Variants in ROBO2 observed in about 807,000 individuals in gnomAD.
ROBO2 encodes the protein roundabout homolog 2.
A neutral mutation model predicts 160.8 loss-of-function variants in ROBO2; 53 were observed. The observed-to-expected ratio is 0.33, with a 90% CI of 0.26 to 0.41. The LOEUF (loss-of-function observed/expected upper bound fraction) is 0.41. Ranked by LOEUF, ROBO2 falls within the 10% of genes least tolerant of loss-of-function variation. The pLI is 1.00. For missense variants in ROBO2, 1,577 were observed against 1,722.4 expected (o/e 0.92, Z 1.49); for synonymous variants, 664 against 611.7 (o/e 1.09, Z -1.26).
At chr3:76,941,764 C>T (rs908835256) in intron 2 of ROBO2, among the ~76,000 whole-genome samples, 1 of 152,130 alleles carries the variant, frequency 6.6e-6, no homozygotes, top group Non-Finnish European at 1.5e-5. Flanking sequence ...AGGAGAATTT[C>T]GCTAGAGCAC....
intron 2 of ROBO2, among the ~76,000 whole-genome samples, chr3:76,484,481 T>G (rs1366162204): frequency 6.6e-6 from 1 of 152,176 alleles, no homozygotes; most frequent in South Asian, 2.1e-4. Flanking sequence ...GAGTCGGCTA[T>G]GCAGCACGGA....
intron 2 of ROBO2, among the ~76,000 whole-genome samples, chr3:76,968,445 CT>C (rs1395858824): frequency 6.6e-6 from 1 of 151,946 alleles, no homozygotes; most frequent in Non-Finnish European, 1.5e-5. Flanking sequence ...ATATAAGCTC[CT>C]TTTAGGAAAT....
chr3:76,854,191 A>G (rs62261829), intron 2 of ROBO2, among the ~76,000 whole-genome samples: 15,688 of 152,010 alleles, frequency 0.1, 987 homozygotes, highest in East Asian at 0.23. Flanking sequence ...ACTTTTAGAA[A>G]TAATTCATTC....
chr3:76,069,935 A>C (rs565703214), intron 2 of ROBO2, among the ~76,000 whole-genome samples: 2 of 152,176 alleles, frequency 1.3e-5, no homozygotes, highest in African/African-American at 2.4e-5. Context: ...ATCTCTAAAC[A>C]TAAGTTGTGA....
intron 2 of ROBO2, among the ~76,000 whole-genome samples, chr3:76,918,475 T>G (rs57486435): frequency 0.26 from 39,970 of 152,104 alleles, 5,527 homozygotes; most frequent in South Asian, 0.33. Context: ...GAGAACAGAC[T>G]AATACAATAT....
chr3:76,594,669 GA>G (rs2086628130), intron 2 of ROBO2, among the ~76,000 whole-genome samples: 2 of 152,076 alleles, frequency 1.3e-5, no homozygotes, highest in Admixed American at 1.3e-4. Context: ...AATGAAGGAA[GA>G]ATGGTGTTTA....
chr3:77,040,168 G>T, exon 1 of ROBO2: 2 of 985,736 alleles, frequency 2.0e-6, no homozygotes, highest in Non-Finnish European at 2.4e-6. Context: ...AACCGGAGAG[G>T]TGGAGGGAGG....
intron 2 of ROBO2, among the ~76,000 whole-genome samples, chr3:76,708,981 G>T (rs979948176): frequency 4.6e-5 from 7 of 152,124 alleles, no homozygotes; most frequent in African/African-American, 1.4e-4. Context: ...TTCTCTTTTG[G>T]ACAATTGGGT....
chr3:76,314,321 C>T (rs1351262386), intron 2 of ROBO2, among the ~76,000 whole-genome samples: 6 of 152,078 alleles, frequency 3.9e-5, no homozygotes, highest in African/African-American at 1.2e-4. Flanking sequence ...CGATTACCTT[C>T]ACCATGAAAA....
chr3:76,480,035 G>A (rs6800025), intron 2 of ROBO2, among the ~76,000 whole-genome samples: 7,837 of 61,188 alleles, frequency 0.13, 689 homozygotes, highest in African/African-American at 0.29. Flanking sequence ...AGAAAAAGGA[G>A]GAAGAAGGAG....
chr3:76,622,631 C>A (rs1348128854), intron 2 of ROBO2, among the ~76,000 whole-genome samples: 3 of 151,994 alleles, frequency 2.0e-5, no homozygotes, highest in Admixed American at 6.6e-5. Context: ...AGTTTCAATC[C>A]CCATCATTTC....
chr3:77,134,346 G>A (rs2076101920), intron 2 of ROBO2, among the ~76,000 whole-genome samples: 1 of 152,154 alleles, frequency 6.6e-6, no homozygotes, highest in Admixed American at 6.5e-5. Context: ...TATTTTTGTA[G>A]TACCGATTTT....
intron 24 of ROBO2, chr3:77,642,874 G>T (rs1316988641): frequency 2.2e-6 from 1 of 456,688 alleles, no homozygotes; most frequent in Non-Finnish European, 4.4e-6. Flanking sequence ...ACAAACCCAG[G>T]AATGGATAAG....
intron 2 of ROBO2, among the ~76,000 whole-genome samples, chr3:77,182,137 G>C (rs1242044568): frequency 3.3e-5 from 5 of 151,982 alleles, no homozygotes; most frequent in African/African-American, 1.2e-4. Flanking sequence ...GTCAGCTTTT[G>C]TAACCATGAT....
intron 2 of ROBO2, among the ~76,000 whole-genome samples, chr3:77,004,400 G>A (rs1255300106): frequency 2.0e-5 from 3 of 152,160 alleles, no homozygotes; most frequent in African/African-American, 7.2e-5. Flanking sequence ...GCAACTAGTT[G>A]AGTAATAGTT....
At chr3:76,398,205 T>C (rs1458451335) in intron 2 of ROBO2, among the ~76,000 whole-genome samples, 1 of 151,770 alleles carries the variant, frequency 6.6e-6, no homozygotes, top group African/African-American at 2.4e-5. Flanking sequence ...AATCATCATT[T>C]TCAGTAAACT....
rs1433601353 is a variant in ROBO2 at position 76,615,794 on chromosome 3, T to G, written c.110-482220T>G. Among the ~76,000 whole-genome samples the G allele has an allele frequency of 2.6e-5, 4 of 152,338 alleles. No homozygotes were observed. In the South Asian group the frequency reaches 6.2e-4, roughly 24 times the overall value. The stretch of plus-strand genomic sequence containing the variant: ...ATAATTCCATGTGTGCATTCTGTTT[T>G]ACAGTGTGCAAACAGGTTTAGATAT... On this transcript the variant is annotated intron_variant, in intron 2 of 26. Coordinates refer to the ROBO2 transcript ENST00000487694.
chr3:76,203,116 T>C (rs1702616818), intron 2 of ROBO2, among the ~76,000 whole-genome samples: 2 of 152,142 alleles, frequency 1.3e-5, no homozygotes, highest in African/African-American at 2.4e-5. Flanking sequence ...ATTTAACTGA[T>C]TGCCTAAAAC....
At chr3:77,487,382 G>C (rs1268035811) in intron 4 of ROBO2, among the ~76,000 whole-genome samples, 1 of 152,010 alleles carries the variant, frequency 6.6e-6, no homozygotes, top group Non-Finnish European at 1.5e-5. Flanking sequence ...ATGAAATTTT[G>C]CCTCTAATAT....
Sources: allele counts gnomAD v4.1 joint callset (sites outside exome capture counted in the v4.1 genomes callset), GRCh38; gene constraint gnomAD v4.1.1; transcripts MANE v1.5; gene names NCBI Gene and HGNC (gene_info 2026-07-23, HGNC 2026-07-21).